The following CPE variants were observed in gnomAD, a reference collection of about 807,000 sequenced individuals.
The protein encoded by CPE is carbocypeptidase E.
CPE carries 17 observed loss-of-function variants against 53.5 expected under a neutral mutation model. That is an observed-to-expected ratio of 0.32 (90% CI 0.22 to 0.48). The LOEUF (loss-of-function observed/expected upper bound fraction) is 0.48. CPE is among the 20% of genes least tolerant of loss of function. The pLI is 0.99. For synonymous variants in CPE, 226 were observed against 228.8 expected (o/e 0.99, Z 0.11); for missense variants, 524 against 614.7 (o/e 0.85, Z 1.56).
At chr4:165,486,768 C>T (rs575500644) in intron 5 of CPE, among the ~76,000 whole-genome samples, 1 of 152,284 alleles carries the variant, frequency 6.6e-6, no homozygotes, top group African/African-American at 2.4e-5. Flanking sequence ...CACATTTTTC[C>T]TCTGTCCCCT....
intron 1 of CPE, among the ~76,000 whole-genome samples, chr4:165,400,606 G>A (rs1025006634): frequency 6.6e-6 from 1 of 152,096 alleles, no homozygotes; most frequent in African/African-American, 2.4e-5. Flanking sequence ...TCAAGAGGAA[G>A]AAGTCAAACA....
At chr4:165,437,787 C>G (rs1319028909) in intron 1 of CPE, among the ~76,000 whole-genome samples, 1 of 152,140 alleles carries the variant, frequency 6.6e-6, no homozygotes, top group African/African-American at 2.4e-5. Flanking sequence ...GAGGAGCTAA[C>G]ATCTGAGCTG....
intron 5 of CPE, among the ~76,000 whole-genome samples, chr4:165,487,181 TA>T (rs1208165386): frequency 6.6e-6 from 1 of 152,218 alleles, no homozygotes; most frequent in Non-Finnish European, 1.5e-5. Context: ...GGAAGGTGGG[TA>T]ATGTCTGCAT....
At chr4:165,404,883 C>T in intron 1 of CPE, 1 of 762,838 alleles carries the variant, frequency 1.3e-6, no homozygotes, top group South Asian at 1.3e-5. Flanking sequence ...ATCACCTTCT[C>T]AGGTCTTTTG....
At chr4:165,437,116 C>CAGA (rs528064048) in intron 1 of CPE, among the ~76,000 whole-genome samples, 8 of 152,280 alleles carry the variant, frequency 5.3e-5, no homozygotes, top group African/African-American at 1.7e-4. Context: ...GTCCTTCTCT[C>CAGA]AGAAGAATAA....
intron 3 of CPE, among the ~76,000 whole-genome samples, chr4:165,471,265 G>A (rs1287996811): frequency 6.6e-6 from 1 of 152,106 alleles, no homozygotes; most frequent in Non-Finnish European, 1.5e-5. Flanking sequence ...CATTCCTCTT[G>A]TTTCTTCTGA....
chr4:165,424,751 G>A (rs1440001054), intron 1 of CPE, among the ~76,000 whole-genome samples: 1 of 151,800 alleles, frequency 6.6e-6, no homozygotes, highest in African/African-American at 2.4e-5. Context: ...AGCCAGGATG[G>A]TCTCGATCTC....
chr4:165,488,285 GCTGT>G (rs1468689070), intron 6 of CPE, among the ~76,000 whole-genome samples: 6 of 152,260 alleles, frequency 3.9e-5, no homozygotes, highest in East Asian at 1.9e-4. Context: ...CTGAATCAAG[GCTGT>G]CTATTTCCAG....
At chr4:165,486,805 A>G (rs984130667) in intron 5 of CPE, among the ~76,000 whole-genome samples, 1 of 152,116 alleles carries the variant, frequency 6.6e-6, no homozygotes, top group African/African-American at 2.4e-5. Flanking sequence ...CTCTGTGCTT[A>G]TCAATATCCC....
chr4:165,395,635 G>C (rs1181737873), intron 1 of CPE, among the ~76,000 whole-genome samples: 1 of 152,122 alleles, frequency 6.6e-6, no homozygotes, highest in Non-Finnish European at 1.5e-5. Flanking sequence ...GTTCAGCTTA[G>C]AAATTAAATA....
chr4:165,497,070 C>A (rs182168526), intron 8 of CPE, among the ~76,000 whole-genome samples: 1 of 151,990 alleles, frequency 6.6e-6, no homozygotes, highest in Non-Finnish European at 1.5e-5. Flanking sequence ...TTACAGCGTG[C>A]GCCACCGTGC....
intron 1 of CPE, among the ~76,000 whole-genome samples, chr4:165,446,789 T>A (rs942241897): frequency 1.3e-5 from 2 of 152,078 alleles, no homozygotes; most frequent in Non-Finnish European, 2.9e-5. Context: ...AATATAAAAT[T>A]CATATTCTCC....
chr4:165,385,754 T>C (rs776258168), intron 1 of CPE, among the ~76,000 whole-genome samples: 16 of 152,166 alleles, frequency 1.1e-4, no homozygotes, highest in Non-Finnish European at 1.5e-4. Context: ...GCATCAGTAT[T>C]TGAGAATGTC....
At chr4:165,466,004 A>C (rs1732093423) in intron 2 of CPE, among the ~76,000 whole-genome samples, 2 of 152,232 alleles carry the variant, frequency 1.3e-5, no homozygotes, top group Admixed American at 1.3e-4. Context: ...AATATTATTC[A>C]TCGAACATAT....
intron 1 of CPE, among the ~76,000 whole-genome samples, chr4:165,452,638 AT>A (rs1341199904): frequency 6.6e-6 from 1 of 151,870 alleles, no homozygotes; most frequent in African/African-American, 2.4e-5. Flanking sequence ...TTTAAATTGA[AT>A]TTTCAAAAAA....
Position 165,484,543 on chromosome 4 carries a change from T to C in CPE, c.912T>C (p.Asp304=), listed in dbSNP as rs771265447. The change falls in exon 5 of 9, where the codon GAT becomes GAC. Residue 304 remains aspartate, a synonymous_variant. Coordinates refer to ENST00000402744, the MANE Select transcript of CPE (RefSeq NM_001873.4). ...ATCGGCCACCATGTCGCAAGAATGA[T>C]GATGACAGCAGCTTTGTAGATGGAA... ...DPNRPPCRKN[D]DDSSFVDGTT... 1.2e-6 allele frequency: 2 copies of C among 1,614,068 alleles called. No individual in the cohort carries two copies. The highest frequency in any genetic ancestry group is 1.3e-5 in the African/African-American group (1 of 74,950).
chr4:165,379,642 TA>T lies in CPE; in HGVS notation c.307+118del. On this transcript the variant is annotated intron_variant, in intron 1 of 8. Transcript: ENST00000402744. This position sits in a 1 kb window ranked among gnomAD's most constrained non-coding sequence, Gnocchi z 6.0. Reference sequence around the variant, plus strand: ...GGATGGGCCCAGGGGTGCCTCTTGGTAAAAGGTATCTAAGGTGGAAGGTGGG... The same window carrying T: ...GGATGGGCCCAGGGGTGCCTCTTGGTAAAGGTATCTAAGGTGGAAGGTGGG... 9.6e-7 allele frequency: 1 copy of T among 1,041,444 alleles called. No individual in the cohort carries two copies. Among genetic ancestry groups the T allele is most frequent in the Non-Finnish European group, 1.3e-6 (1 of 760,026 alleles). 64.5% of individuals were successfully genotyped at this position (1,041,444 alleles called of 1,614,324 possible). A position where few individuals can be genotyped will look rare whatever the true frequency, so the allele number is the denominator to read the frequency against.
At position 165,497,650 on chromosome 4, in the gene CPE, T is replaced by C; in HGVS notation, c.*40T>C. 1 of 1,113,964 alleles carries C rather than the reference T, an allele frequency of 9.0e-7. No individual in the cohort carries two copies. The highest frequency in any genetic ancestry group is 2.8e-5 in the Admixed American group (1 of 35,718). 69.0% of individuals were successfully genotyped at this position (1,113,964 alleles called of 1,614,324 possible). On this transcript the variant is annotated 3_prime_UTR_variant, in exon 9 of 9. Transcript: ENST00000402744. ...AGCTGCTTTAAATCTATCTATATAA[T>C]GTAGTATGATGTAATGTGGTCTTTT...
chr4:165,393,186 A>G lies in CPE; in HGVS notation c.307+13658A>G, dbSNP rs1298529550. 3.9e-5 allele frequency among the ~76,000 whole-genome samples: 6 copies of G among 152,170 alleles called. No homozygotes were observed. In the East Asian group the frequency reaches 1.2e-3, roughly 29 times the overall value. On this transcript the variant is annotated intron_variant, in intron 1 of 8. Coordinates refer to ENST00000402744, the MANE Select transcript of CPE (RefSeq NM_001873.4). ...CACAAAAATAAGAACAAGAACAAAA[A>G]AAGCAATGTCATTTGAGTTATTGAA...
Sources: allele counts gnomAD v4.1 joint callset (sites outside exome capture counted in the v4.1 genomes callset), GRCh38; gene constraint gnomAD v4.1.1; non-coding constraint Gnocchi (gnomAD v3.1); transcripts MANE v1.5; gene names NCBI Gene and HGNC (gene_info 2026-07-23, HGNC 2026-07-21).